The following FNDC3A variants were observed in gnomAD, a reference collection of about 807,000 sequenced individuals.
The protein encoded by FNDC3A is fibronectin type III domain containing 3A.
FNDC3A carries 32 observed loss-of-function variants against 148.9 expected under a neutral mutation model. The ratio of observed to expected loss-of-function variants is 0.21; its 90% CI spans 0.16 to 0.29. FNDC3A has a LOEUF of 0.29. Ranked by LOEUF, FNDC3A falls within the 10% of genes least tolerant of loss-of-function variation. FNDC3A has a pLI of 1.00. For synonymous variants in FNDC3A, 472 were observed against 473.6 expected (o/e 1.00, Z 0.04); for missense variants, 1,191 against 1,452.8 (o/e 0.82, Z 2.93).
intron 2 of FNDC3A, among the ~76,000 whole-genome samples, chr13:49,060,442 G>A (rs772373651): frequency 4.6e-5 from 7 of 152,020 alleles, no homozygotes; most frequent in Non-Finnish European, 1.0e-4. Context: ...TCAGGAGTTC[G>A]AGACCAGCCT....
chr13:49,142,901 C>A (rs1226284204), intron 7 of FNDC3A, among the ~76,000 whole-genome samples: 4 of 152,082 alleles, frequency 2.6e-5, no homozygotes, highest in Non-Finnish European at 4.4e-5. Flanking sequence ...GCTCTTTCAC[C>A]CAGGCTGGAG....
At chr13:49,104,840 TTAAAAA>T (rs1046591140) in intron 3 of FNDC3A, among the ~76,000 whole-genome samples, 3 of 152,074 alleles carry the variant, frequency 2.0e-5, no homozygotes, top group African/African-American at 4.8e-5. Flanking sequence ...AAGGATAAAC[TTAAAAA>T]TAATAATAAA....
intron 3 of FNDC3A, among the ~76,000 whole-genome samples, chr13:49,100,732 AT>A (rs1410356091): frequency 6.6e-6 from 1 of 152,132 alleles, no homozygotes; most frequent in Non-Finnish European, 1.5e-5. Flanking sequence ...AGTCCCCAGA[AT>A]TTGTTTTGAA....
At chr13:48,981,486 T>C (rs1429189943) in intron 1 of FNDC3A, among the ~76,000 whole-genome samples, 1 of 152,108 alleles carries the variant, frequency 6.6e-6, no homozygotes, top group Non-Finnish European at 1.5e-5. Flanking sequence ...CAGCCTTTTT[T>C]TTTTTTTAAG....
At chr13:49,077,795 A>T (rs1878217146) in intron 3 of FNDC3A, among the ~76,000 whole-genome samples, 1 of 152,320 alleles carries the variant, frequency 6.6e-6, no homozygotes, top group African/African-American at 2.4e-5. Flanking sequence ...TAAAGTAAAA[A>T]TTTTTTAAAA....
intron 24 of FNDC3A, among the ~76,000 whole-genome samples, chr13:49,202,252 G>A (rs945653180): frequency 1.3e-5 from 2 of 152,106 alleles, no homozygotes. Flanking sequence ...TTCTAATGAG[G>A]TCATTTGCTT....
chr13:49,049,411 G>T (rs1299128381), intron 2 of FNDC3A, among the ~76,000 whole-genome samples: 1 of 151,998 alleles, frequency 6.6e-6, no homozygotes, highest in East Asian at 1.9e-4. Flanking sequence ...ATGTCTGATA[G>T]AATTCAGCTG....
At chr13:49,034,916 T>C (rs572847675) in intron 2 of FNDC3A, among the ~76,000 whole-genome samples, 8 of 152,156 alleles carry the variant, frequency 5.3e-5, no homozygotes, top group Admixed American at 2.0e-4. Flanking sequence ...AACTTTAAGC[T>C]ATGATACTGT....
intron 4 of FNDC3A, among the ~76,000 whole-genome samples, chr13:49,117,514 A>G (rs933138726): frequency 1.3e-5 from 2 of 152,228 alleles, no homozygotes; most frequent in Non-Finnish European, 2.9e-5. Flanking sequence ...GTTATAATAC[A>G]TATCACCTAA....
At chr13:49,176,925 C>CA (rs1286169644) in intron 13 of FNDC3A, among the ~76,000 whole-genome samples, 1 of 152,182 alleles carries the variant, frequency 6.6e-6, no homozygotes, top group African/African-American at 2.4e-5. Flanking sequence ...CTCAGCCTTT[C>CA]AAGTAGCTGG....
intron 3 of FNDC3A, among the ~76,000 whole-genome samples, chr13:49,106,720 C>T (rs2060739424): frequency 7.8e-6 from 1 of 128,712 alleles, no homozygotes; most frequent in Non-Finnish European, 1.6e-5. Context: ...GTGCCCAGAA[C>T]ACTATCTGGC....
At chr13:49,072,829 C>T (rs765278088) in intron 2 of FNDC3A, among the ~76,000 whole-genome samples, 6 of 146,128 alleles carry the variant, frequency 4.1e-5, no homozygotes, top group Non-Finnish European at 9.1e-5. Flanking sequence ...TACACCTTTA[C>T]TAAATTTGTT....
chr13:49,008,320 A>G (rs1347218436), intron 2 of FNDC3A, among the ~76,000 whole-genome samples: 2 of 152,186 alleles, frequency 1.3e-5, no homozygotes, highest in Non-Finnish European at 1.5e-5. Flanking sequence ...TGGGAGCGCA[A>G]TAAACTTGAC....
At chr13:49,063,906 A>G (rs575643328) in intron 2 of FNDC3A, among the ~76,000 whole-genome samples, 1 of 152,136 alleles carries the variant, frequency 6.6e-6, no homozygotes, top group Non-Finnish European at 1.5e-5. Context: ...AGCAAAACAA[A>G]TTTTTTTATT....
chr13:49,184,579 T>C (rs1405108139), intron 14 of FNDC3A, among the ~76,000 whole-genome samples: 2 of 152,092 alleles, frequency 1.3e-5, no homozygotes, highest in African/African-American at 4.8e-5. Flanking sequence ...CGAGTAAGTT[T>C]ATTGAACCTG....
intron 4 of FNDC3A, among the ~76,000 whole-genome samples, chr13:49,125,560 G>A (rs2137909289): frequency 6.6e-6 from 1 of 152,258 alleles, no homozygotes; most frequent in Non-Finnish European, 1.5e-5. Context: ...TGTAGGAATT[G>A]AGAAAGTCAC....
At chr13:49,095,900 G>A (rs1879495699) in intron 3 of FNDC3A, among the ~76,000 whole-genome samples, 1 of 152,002 alleles carries the variant, frequency 6.6e-6, no homozygotes. Flanking sequence ...ACCATCTGCA[G>A]AAAATGTTCT....
chr13:49,098,684 C>G (rs778519006), intron 3 of FNDC3A, among the ~76,000 whole-genome samples: 77 of 152,094 alleles, frequency 5.1e-4, no homozygotes, highest in Non-Finnish European at 5.1e-4. Context: ...CAAATGTACT[C>G]TACTTAGTGT....
At chr13:49,013,423 A>C (rs1292682395) in intron 2 of FNDC3A, among the ~76,000 whole-genome samples, 1 of 151,240 alleles carries the variant, frequency 6.6e-6, no homozygotes, top group African/African-American at 2.4e-5. Flanking sequence ...CATGTGCACA[A>C]TGTGCAGGTT....
Sources: allele counts gnomAD v4.1 joint callset (sites outside exome capture counted in the v4.1 genomes callset), GRCh38; gene constraint gnomAD v4.1.1; transcripts MANE v1.5; gene names NCBI Gene and HGNC (gene_info 2026-07-23, HGNC 2026-07-21).